Variants in CSNK1A1 observed in about 807,000 individuals in gnomAD.
CSNK1A1 encodes the protein casein kinase I isoform alpha.
In CSNK1A1, 7 loss-of-function variants were observed where a neutral mutation model predicts 46.1. The observed-to-expected ratio is 0.15, with a 90% CI of 0.09 to 0.29. CSNK1A1 has a LOEUF of 0.29. Ranked by LOEUF, CSNK1A1 falls within the 10% of genes least tolerant of loss-of-function variation. The pLI, the probability that CSNK1A1 is intolerant of heterozygous loss-of-function variation, is 1.00. For missense variants in CSNK1A1, 96 were observed against 417.1 expected (o/e 0.23, Z 6.71); for synonymous variants, 137 against 141.5 (o/e 0.97, Z 0.23).
At chr5:149,503,454 G>T (rs1760932901) in intron 9 of CSNK1A1, 1 of 985,334 alleles carries the variant, frequency 1.0e-6, no homozygotes, top group Non-Finnish European at 1.2e-6. Flanking sequence ...TGCCTTGGAA[G>T]TGTATTTCTA....
At position 149,503,822 on chromosome 5, in the gene CSNK1A1, T is replaced by C. The variant is rs561940462; in HGVS notation, c.1006+1625A>G. 1.5e-5 allele frequency: 15 copies of C among 985,368 alleles called. No homozygotes were observed. In the African/African-American group the frequency reaches 2.4e-4, roughly 16 times the overall value. The allele number at this position is 985,368 out of a possible 1,614,324, so 61.0% of individuals were successfully genotyped here. ...TCTGAAATCTGCTGAATGCCTGAAG[T>C]AAAATGTTCTAGGTCAGAAGAGATT... On this transcript the variant is annotated intron_variant, in intron 9 of 9. Coordinates refer to ENST00000377843, the MANE Select transcript of CSNK1A1 (RefSeq NM_001892.6).
chr5:149,509,493 C>A (rs757738715), intron 7 of CSNK1A1, among the ~76,000 whole-genome samples: 9 of 152,172 alleles, frequency 5.9e-5, no homozygotes, highest in Non-Finnish European at 1.2e-4. Flanking sequence ...TGGAGCCTCC[C>A]GGGCTCAAGT....
Position 149,516,341 on chromosome 5 carries a change from C to A in CSNK1A1, c.457-3132G>T, listed in dbSNP as rs12656211. 2.1e-3 allele frequency among the ~76,000 whole-genome samples: 179 copies of A among 84,316 alleles called. 2 individuals carry two copies. The East Asian group carries it at 0.11, about 50-fold the overall frequency. 55.3% of individuals were successfully genotyped at this position (84,316 alleles called of 152,430 possible). On this transcript the variant is annotated intron_variant, in intron 4 of 9. Transcript: ENST00000377843. Reference sequence around the variant, plus strand: ...CCCGTCTCAAAACAAAACAAAAAAACCCCCCAAAAAAAACAAAAAATAAAA... The same window carrying A: ...CCCGTCTCAAAACAAAACAAAAAAAACCCCCAAAAAAAACAAAAAATAAAA...
At chr5:149,537,182 C>T (rs773807007) in intron 2 of CSNK1A1, among the ~76,000 whole-genome samples, 2 of 152,042 alleles carry the variant, frequency 1.3e-5, no homozygotes, top group Non-Finnish European at 2.9e-5. Context: ...TTGAGACCAG[C>T]CTGGCCAACA....
intron 2 of CSNK1A1, chr5:149,545,394 C>T (rs993332800): frequency 4.1e-6 from 2 of 483,942 alleles, no homozygotes; most frequent in Non-Finnish European, 7.5e-6. Flanking sequence ...TACTCCGAAG[C>T]CTTTGTAGGG....
In CSNK1A1 at chr5:149,494,236, T is replaced by C. The variant is rs549752135; in HGVS notation, c.*2617A>G. 4 of 152,332 alleles carry C rather than the reference T, an allele frequency of 2.6e-5. No individual in the cohort carries two copies. In the South Asian group the frequency reaches 6.2e-4, roughly 24 times the overall value. The allele number at this position is 152,332 out of a possible 1,614,324, so 9.4% of individuals were successfully genotyped here. On this transcript the variant is annotated 3_prime_UTR_variant, in exon 10 of 10. Transcript: ENST00000377843. ...AACAGGAAAAATCCTACTAAAAATA[T>C]TTGTTGATGGGAAATCATTGTGAAA... is the stretch of plus-strand genomic sequence containing the variant.
chr5:149,526,421 C>G (rs1025902447), intron 2 of CSNK1A1, among the ~76,000 whole-genome samples: 21 of 152,182 alleles, frequency 1.4e-4, no homozygotes, highest in African/African-American at 4.1e-4. Flanking sequence ...CCTGCCTCAG[C>G]CTCCCAAAGC....
At chr5:149,542,646 A>ATG (rs1762316742) in intron 2 of CSNK1A1, among the ~76,000 whole-genome samples, 1 of 5,770 alleles carries the variant, frequency 1.7e-4, no homozygotes, top group African/African-American at 1.2e-3. Flanking sequence ...ATATGTATAT[A>ATG]TATATATATA....
chr5:149,509,211 T>G (rs1281391662), intron 7 of CSNK1A1, among the ~76,000 whole-genome samples: 1 of 151,342 alleles, frequency 6.6e-6, no homozygotes, highest in East Asian at 2.0e-4. Context: ...TGTGAGCCAC[T>G]GTGCCTAGCA....
intron 9 of CSNK1A1, chr5:149,501,154 G>A (rs1760844049): frequency 1.0e-6 from 1 of 985,340 alleles, no homozygotes; most frequent in Non-Finnish European, 1.2e-6. Flanking sequence ...GAATTTGAAG[G>A]TCCAGCAGTC....
Position 149,551,337 on chromosome 5 carries a change from C to A in CSNK1A1, c.-373G>T. On this transcript the variant is annotated 5_prime_UTR_variant, in exon 1 of 10. The change creates a new upstream start codon in the 5' untranslated region. Transcript: ENST00000377843. ...CGCCGGCTCCGGCCCAGAGGGACCC[C>A]TGTCACTCCGCGGACGACGCCATCT... The A allele has an allele frequency of 4.8e-6, 1 of 210,094 alleles. No individual in the cohort carries two copies. The highest frequency in any genetic ancestry group is 6.3e-5 in the South Asian group (1 of 15,862). The allele number at this position is 210,094 out of a possible 1,614,324, so 13.0% of individuals were successfully genotyped here.
chr5:149,532,549 C>T (rs536313407), intron 2 of CSNK1A1, among the ~76,000 whole-genome samples: 7 of 152,028 alleles, frequency 4.6e-5, no homozygotes, highest in East Asian at 1.9e-4. Context: ...AAATATCAGC[C>T]GGGCGTGGCG....
At chr5:149,547,467 G>A (rs551572550) in intron 2 of CSNK1A1, among the ~76,000 whole-genome samples, 10 of 152,270 alleles carry the variant, frequency 6.6e-5, no homozygotes, top group African/African-American at 2.4e-4. Flanking sequence ...TTTTGAAACT[G>A]ATTTCAAATA....
chr5:149,509,679 C>A (rs1005490247), intron 7 of CSNK1A1, among the ~76,000 whole-genome samples, 200 bp downstream of exon 7: 1 of 152,096 alleles, frequency 6.6e-6, no homozygotes, highest in Non-Finnish European at 1.5e-5. Flanking sequence ...GCTGGGATTG[C>A]AGGCTTGAGC....
At chr5:149,544,428 T>C (rs1479433989) in intron 2 of CSNK1A1, among the ~76,000 whole-genome samples, 4 of 151,870 alleles carry the variant, frequency 2.6e-5, no homozygotes, top group Admixed American at 2.6e-4. Context: ...TTTGGGAGGC[T>C]GAGGCAGGAG....
At chr5:149,522,380 G>C (rs1447532608) in intron 3 of CSNK1A1, among the ~76,000 whole-genome samples, 1 of 152,126 alleles carries the variant, frequency 6.6e-6, no homozygotes, top group Non-Finnish European at 1.5e-5. Context: ...CAAAGTGCTG[G>C]GATTGCTGGC....
rs1760662204 is a variant in CSNK1A1 at position 149,496,631 on chromosome 5, CTA to C, written c.*220_*221del. ...ATAGAAAACCGGACACCATGTTTCA[CTA>C]TCTCAGTTAATATTCACAATTACAG... is the stretch of plus-strand genomic sequence containing the variant. On this transcript the variant is annotated 3_prime_UTR_variant, in exon 10 of 10. Coordinates refer to ENST00000377843, the MANE Select transcript of CSNK1A1 (RefSeq NM_001892.6). 2.2e-6 allele frequency: 1 copy of C among 450,824 alleles called. No homozygotes were observed. Among genetic ancestry groups the C allele is most frequent in the Non-Finnish European group, 3.8e-6 (1 of 266,604 alleles). 27.9% of individuals were successfully genotyped at this position (450,824 alleles called of 1,614,324 possible).
chr5:149,542,626 A>ACATGTATGTG, intron 2 of CSNK1A1, among the ~76,000 whole-genome samples: 1 of 12,742 alleles, frequency 7.8e-5, no homozygotes, highest in African/African-American at 6.0e-4. Context: ...ATATATATAT[A>ACATGTATGTG]TATATATATA....
intron 7 of CSNK1A1, among the ~76,000 whole-genome samples, chr5:149,507,736 G>A (rs544358505): frequency 1.3e-5 from 2 of 152,136 alleles, no homozygotes; most frequent in Admixed American, 1.3e-4. Flanking sequence ...GTCTCCCACA[G>A]TGCTGGGATT....
Sources: gnomAD v4.1 joint callset for allele counts (sites outside exome capture counted in the v4.1 genomes callset) on GRCh38, gnomAD v4.1.1 for gene constraint, MANE v1.5 for transcripts, NCBI Gene and HGNC (gene_info 2026-07-23, HGNC 2026-07-21) for gene names.